PI4K2B: variants seen among roughly 807,000 people sequenced by gnomAD.
The protein encoded by PI4K2B is phosphatidylinositol 4-kinase type 2 beta, also known as phosphatidylinositol 4-kinase type 2-beta.
A neutral mutation model predicts 56.6 loss-of-function variants in PI4K2B; 46 were observed. The ratio of observed to expected loss-of-function variants is 0.81; its 90% CI spans 0.64 to 1.04. The LOEUF is 1.04. PI4K2B is among the 50% of genes least tolerant of loss of function. PI4K2B has a pLI of 0.00. For synonymous variants in PI4K2B, 211 were observed against 223.8 expected (o/e 0.94, Z 0.51); for missense variants, 556 against 607.7 (o/e 0.91, Z 0.89).
At chr4:25,243,788 T>C (rs1715642927) in intron 1 of PI4K2B, among the ~76,000 whole-genome samples, 1 of 152,200 alleles carries the variant, frequency 6.6e-6, no homozygotes, top group Non-Finnish European at 1.5e-5. Flanking sequence ...ATTCATGGGC[T>C]TTTTTCTAAT....
At chr4:25,263,935 A>C (rs1036913542) in intron 7 of PI4K2B, 86 bp downstream of exon 7, 29 of 611,616 alleles carry the variant, frequency 4.7e-5, no homozygotes, top group Non-Finnish European at 8.3e-5. Flanking sequence ...ACCATAGCGG[A>C]GGAAAAAGTA....
chr4:25,264,683 C>A (rs1010010895), intron 7 of PI4K2B, among the ~76,000 whole-genome samples: 9 of 151,984 alleles, frequency 5.9e-5, no homozygotes, highest in African/African-American at 2.2e-4. Flanking sequence ...CCAGCCTGGG[C>A]AACATGGCGA....
intron 1 of PI4K2B, among the ~76,000 whole-genome samples, chr4:25,240,373 A>G (rs1715463573): frequency 6.6e-6 from 1 of 152,200 alleles, no homozygotes; most frequent in South Asian, 2.1e-4. Context: ...AGATTTTGTT[A>G]TTTCTTGCAA....
At chr4:25,250,846 T>G (rs1291393219) in intron 1 of PI4K2B, among the ~76,000 whole-genome samples, 1 of 152,112 alleles carries the variant, frequency 6.6e-6, no homozygotes, top group Non-Finnish European at 1.5e-5. Flanking sequence ...GGTGGTTGGA[T>G]TCTGGGTATT....
Position 25,234,074 on chromosome 4 carries a change from G to C in PI4K2B, c.-90G>C, listed in dbSNP as rs1715117098. ...TGGTGAGGTGGCGTCCGTTCTACCCGGTCGCTCCCGTTCCGCGCCATGCAG... is the reference window on the plus strand; with the variant it reads ...TGGTGAGGTGGCGTCCGTTCTACCCCGTCGCTCCCGTTCCGCGCCATGCAG... On this transcript the variant is annotated 5_prime_UTR_variant, in exon 1 of 10. Coordinates refer to ENST00000264864, the MANE Select transcript of PI4K2B (RefSeq NM_018323.4). 2 of 1,114,016 alleles carry C rather than the reference G, an allele frequency of 1.8e-6. No homozygotes were observed. The highest frequency in any genetic ancestry group is 2.3e-6 in the Non-Finnish European group (2 of 878,942). 69.0% of individuals were successfully genotyped at this position (1,114,016 alleles called of 1,614,324 possible). A position where few individuals can be genotyped will look rare whatever the true frequency, so the allele number is the denominator to read the frequency against.
chr4:25,249,415 G>A (rs1375457939), intron 1 of PI4K2B, among the ~76,000 whole-genome samples: 1 of 136,566 alleles, frequency 7.3e-6, no homozygotes, highest in Non-Finnish European at 1.6e-5. Flanking sequence ...CCACCCCCCG[G>A]ACAGGGCGGC....
intron 9 of PI4K2B, 62 bp from the exon 10 acceptor site, chr4:25,276,952 A>G (rs1717121801): frequency 6.8e-7 from 1 of 1,467,744 alleles, no homozygotes; most frequent in African/African-American, 1.4e-5. Flanking sequence ...GGTTTAAAAA[A>G]TGTCAGTGAA....
chr4:25,270,032 G>C (rs1050692306), intron 9 of PI4K2B, among the ~76,000 whole-genome samples: 4 of 151,962 alleles, frequency 2.6e-5, no homozygotes, highest in African/African-American at 9.7e-5. Flanking sequence ...AGGTATTTTT[G>C]ACCTTGTTGT....
In PI4K2B at chr4:25,279,041, T is replaced by A. The variant is rs1717209019; in HGVS notation, c.*1854T>A. 1 of 152,074 alleles carries A rather than the reference T, an allele frequency of 6.6e-6. No individual in the cohort carries two copies. Among genetic ancestry groups the A allele is most frequent in the Non-Finnish European group, 1.5e-5 (1 of 67,974 alleles). 9.4% of individuals were successfully genotyped at this position (152,074 alleles called of 1,614,324 possible). A position where few individuals can be genotyped will look rare whatever the true frequency, so the allele number is the denominator to read the frequency against. On this transcript the variant is annotated 3_prime_UTR_variant, in exon 10 of 10. Transcript: ENST00000264864. Reference sequence around the variant, plus strand: ...GGTTTTTTTTCAATAAGTATATTTATAGTGACAAATGTGGTAGACTAAAGG... The same window carrying A: ...GGTTTTTTTTCAATAAGTATATTTAAAGTGACAAATGTGGTAGACTAAAGG...
chr4:25,245,130 G>A (rs1715701748), intron 1 of PI4K2B, among the ~76,000 whole-genome samples: 1 of 152,100 alleles, frequency 6.6e-6, no homozygotes, highest in South Asian at 2.1e-4. Flanking sequence ...AGTCTGAGGA[G>A]GGATCCTAAA....
At chr4:25,243,792 T>C (rs1343915674) in intron 1 of PI4K2B, among the ~76,000 whole-genome samples, 1 of 152,224 alleles carries the variant, frequency 6.6e-6, no homozygotes, top group African/African-American at 2.4e-5. Flanking sequence ...ATGGGCTTTT[T>C]TCTAATTCTC....
rs937318120 is a variant in PI4K2B, at chr4:25,254,931, C to T, written c.424-134C>T. On this transcript the variant is annotated intron_variant, in intron 2 of 9. Transcript: ENST00000264864. ...CTCTTAATAGTTGAGGTTTATAAATCCTCTTAATAGTTTGGGGATTTATGC... is the reference window on the plus strand; with the variant it reads ...CTCTTAATAGTTGAGGTTTATAAATTCTCTTAATAGTTTGGGGATTTATGC... 9.6e-6 allele frequency: 6 copies of T among 622,674 alleles called. No individual in the cohort carries two copies. In the Admixed American group the frequency reaches 1.1e-4, roughly 12 times the overall value. 38.6% of individuals were successfully genotyped at this position (622,674 alleles called of 1,614,324 possible).
chr4:25,248,030 A>G lies in PI4K2B; in HGVS notation c.269-4291A>G, dbSNP rs61659984. On this transcript the variant is annotated intron_variant, in intron 1 of 9. Coordinates refer to ENST00000264864, the MANE Select transcript of PI4K2B (RefSeq NM_018323.4). ...GTGAACATCTATTTTTTTCTGGAAA[A>G]TATTCTGGTTAGTGAGTAAGATATG... Among the ~76,000 whole-genome samples the G allele has an allele frequency of 7.8e-3, 1,193 of 152,268 alleles. 14 individuals carry two copies. Among genetic ancestry groups the G allele is most frequent in the Middle Eastern group, 0.027 (8 of 294 alleles).
chr4:25,252,239 A>G, intron 1 of PI4K2B, 82 bp from the exon 2 acceptor site: 1 of 1,014,852 alleles, frequency 9.9e-7, no homozygotes, highest in Non-Finnish European at 1.5e-6. Flanking sequence ...TCTGTACCTT[A>G]TATCCTGATA....
Position 25,268,586 on chromosome 4 carries a change from T to C in PI4K2B, c.1212+10T>C. The C allele has an allele frequency of 6.5e-7, 1 of 1,530,248 alleles. No homozygotes were observed. The highest frequency in any genetic ancestry group is 8.9e-7 in the Non-Finnish European group (1 of 1,127,676). 94.8% of individuals were successfully genotyped at this position (1,530,248 alleles called of 1,614,324 possible). A position where few individuals can be genotyped will look rare whatever the true frequency, so the allele number is the denominator to read the frequency against. ...CTATGAACTTTTTAAGGTAAGTTAA[T>C]GCTTAGTTTGATTATTGCAGAAAAT... On this transcript the variant is annotated intron_variant, in intron 8 of 9. Transcript: ENST00000264864.
At chr4:25,244,858 A>G (rs1249738171) in intron 1 of PI4K2B, among the ~76,000 whole-genome samples, 1 of 151,660 alleles carries the variant, frequency 6.6e-6, no homozygotes, top group African/African-American at 2.4e-5. Flanking sequence ...GTGCTTAGTG[A>G]CCCTTACCGA....
At chr4:25,263,875 G>A (rs1248314314) in intron 7 of PI4K2B, 26 bp downstream of exon 7, 1 of 974,202 alleles carries the variant, frequency 1.0e-6, no homozygotes, top group Non-Finnish European at 1.6e-6. Flanking sequence ...CTTCTGTAGA[G>A]TCTATAATTA....
intron 9 of PI4K2B, among the ~76,000 whole-genome samples, chr4:25,273,345 C>A (rs890938913): frequency 6.6e-5 from 10 of 151,990 alleles, no homozygotes; most frequent in Non-Finnish European, 2.9e-5. Flanking sequence ...GAAATAATAA[C>A]TAAAACTTTT....
At chr4:25,252,935 G>A (rs565830775) in intron 2 of PI4K2B, among the ~76,000 whole-genome samples, 15 of 152,172 alleles carry the variant, frequency 9.9e-5, no homozygotes, top group Non-Finnish European at 2.1e-4. Context: ...TTTTACTAAA[G>A]CACTCTAGTG....
Sources: allele counts gnomAD v4.1 joint callset (sites outside exome capture counted in the v4.1 genomes callset), GRCh38; gene constraint gnomAD v4.1.1; transcripts MANE v1.5; gene names NCBI Gene and HGNC (gene_info 2026-07-23, HGNC 2026-07-21).